LARP1B: variants seen among roughly 807,000 people sequenced by gnomAD.
The protein encoded by LARP1B is La ribonucleoprotein 1B, also known as la-related protein 1B.
A neutral mutation model predicts 114.2 loss-of-function variants in LARP1B; 76 were observed. The ratio of observed to expected loss-of-function variants is 0.67; its 90% CI spans 0.55 to 0.81. LARP1B has a LOEUF of 0.81. Among genes scored for constraint, LARP1B ranks in the 30% least tolerant of loss-of-function variants. LARP1B has a pLI of 0.00. For synonymous variants in LARP1B, 345 were observed against 348.0 expected, an observed-to-expected ratio of 0.99 and a Z score of 0.10; for missense variants, 1,014 against 1,075.8, an observed-to-expected ratio of 0.94 and a Z score of 0.80.
chr4:128,165,693 A>G (rs1005007157), intron 12 of LARP1B, among the ~76,000 whole-genome samples: 4 of 152,124 alleles, frequency 2.6e-5, no homozygotes, highest in Admixed American at 6.6e-5. Context: ...ATCCCAAATC[A>G]GCTACTGATA....
At chr4:128,111,714 CAA>C (rs1784173751) in intron 9 of LARP1B, among the ~76,000 whole-genome samples, 1 of 151,878 alleles carries the variant, frequency 6.6e-6, no homozygotes, top group African/African-American at 2.4e-5. Flanking sequence ...GTTTTTGAGA[CAA>C]AGTCTTGTTC....
intron 9 of LARP1B, among the ~76,000 whole-genome samples, chr4:128,112,420 C>T (rs1196506043): frequency 1.3e-5 from 2 of 150,560 alleles, no homozygotes; most frequent in Non-Finnish European, 2.9e-5. Flanking sequence ...TCAGGACTAG[C>T]CACATTTGAA....
intron 4 of LARP1B, among the ~76,000 whole-genome samples, chr4:128,080,212 A>T (rs1378081595): frequency 6.6e-6 from 1 of 150,658 alleles, no homozygotes; most frequent in Non-Finnish European, 1.5e-5. Flanking sequence ...CGAGCTCCCA[A>T]CCTCAGGTGA....
downstream of LARP1B, among the ~76,000 whole-genome samples, chr4:128,214,461 C>T (rs978936425): frequency 2.0e-5 from 3 of 151,738 alleles, no homozygotes; most frequent in African/African-American, 4.8e-5. Flanking sequence ...GATCTGAGAA[C>T]TGGCAGACTG....
At chr4:128,213,547 G>T (rs1759261794), downstream of LARP1B, among the ~76,000 whole-genome samples, 1 of 152,078 alleles carries the variant, frequency 6.6e-6, no homozygotes, top group Non-Finnish European at 1.5e-5. Context: ...TGAATGTAAA[G>T]CTCAAGCAAA....
intron 15 of LARP1B, among the ~76,000 whole-genome samples, chr4:128,188,038 T>C (rs1399455939): frequency 6.6e-6 from 1 of 152,068 alleles, no homozygotes; most frequent in Non-Finnish European, 1.5e-5. Context: ...CATGAGCCAA[T>C]TAAACCTCTT....
chr4:128,209,919 C>T lies in LARP1B; in HGVS notation c.2611C>T (p.Arg871Cys), dbSNP rs748171542. 5.0e-6 allele frequency: 8 copies of T among 1,613,588 alleles called. No homozygotes were observed. Among genetic ancestry groups the T allele is most frequent in the African/African-American group, 2.7e-5 (2 of 74,862 alleles). The stretch of plus-strand genomic sequence containing the variant: ...CTCTACTTCTGGTGAGGAGAGTAAT[C>T]GTCATAGACTTCCACCTAATTCCTC... ...HSSTSGEESN[R>C]HRLPPNSSTK... is the part of the protein sequence containing the mutation. The change falls in exon 20 of 20, where the codon CGT becomes TGT. Residue 871 changes from arginine to cysteine, a missense_variant. By Grantham distance (180) the Arg-to-Cys change is radical. Coordinates refer to ENST00000326639, the MANE Select transcript of LARP1B (RefSeq NM_018078.4).
intron 5 of LARP1B, among the ~76,000 whole-genome samples, chr4:128,082,684 T>G (rs1047408793): frequency 6.6e-6 from 1 of 152,208 alleles, no homozygotes; most frequent in African/African-American, 2.4e-5. Context: ...TTTTTGAAGA[T>G]TGTAGGATAA....
intron 1 of LARP1B, among the ~76,000 whole-genome samples, chr4:128,066,241 A>G (rs1328014597): frequency 2.8e-5 from 4 of 140,718 alleles, no homozygotes; most frequent in South Asian, 2.3e-4. Flanking sequence ...CAGTGGTGCA[A>G]TCTCTGCTCA....
chr4:128,214,339 T>C (rs1180742541), downstream of LARP1B, among the ~76,000 whole-genome samples: 5 of 148,808 alleles, frequency 3.4e-5, no homozygotes, highest in South Asian at 4.4e-4. Context: ...TAGGCTCCAC[T>C]TCTGGGGGCA....
chr4:128,209,923 A>G lies in LARP1B; in HGVS notation c.2615A>G (p.His872Arg). 1 of 1,613,974 alleles carries G rather than the reference A, an allele frequency of 6.2e-7. No individual in the cohort carries two copies. Among genetic ancestry groups the G allele is most frequent in the South Asian group, 1.1e-5 (1 of 91,078 alleles). The change falls in exon 20 of 20, where the codon CAT becomes CGT. Residue 872 changes from histidine to arginine, a missense_variant. Physicochemically the swap from His to Arg is conservative, Grantham distance 29 (BLOSUM62 0). Coordinates refer to ENST00000326639, the MANE Select transcript of LARP1B (RefSeq NM_018078.4). ...SSTSGEESNR[H>R]RLPPNSSTKP... is the part of the protein sequence containing the mutation. ...ACTTCTGGTGAGGAGAGTAATCGTC[A>G]TAGACTTCCACCTAATTCCTCTACA...
intron 1 of LARP1B, among the ~76,000 whole-genome samples, chr4:128,070,328 AAAG>A (rs1419162042): frequency 6.6e-6 from 1 of 151,966 alleles, no homozygotes; most frequent in Non-Finnish European, 1.5e-5. Flanking sequence ...TCAAAAAAAA[AAAG>A]AAGATAATTT....
At chr4:128,124,051 A>T (rs1162162693) in intron 11 of LARP1B, among the ~76,000 whole-genome samples, 1 of 152,116 alleles carries the variant, frequency 6.6e-6, no homozygotes, top group Non-Finnish European at 1.5e-5. Context: ...TTAGACTTGT[A>T]CTTTTCCTGT....
chr4:128,116,099 G>T (rs190295913), intron 10 of LARP1B, among the ~76,000 whole-genome samples: 10 of 152,322 alleles, frequency 6.6e-5, no homozygotes, highest in Non-Finnish European at 2.9e-5. Flanking sequence ...ATTTTTGGTG[G>T]AGGGTACATA....
intron 10 of LARP1B, among the ~76,000 whole-genome samples, chr4:128,121,326 T>C (rs781008810): frequency 1.3e-5 from 2 of 151,020 alleles, no homozygotes; most frequent in African/African-American, 2.4e-5. Context: ...ATCTATCTAT[T>C]TATTTTTTGA....
intron 1 of LARP1B, among the ~76,000 whole-genome samples, chr4:128,074,107 A>G (rs183424999): frequency 6.6e-6 from 1 of 150,786 alleles, no homozygotes; most frequent in South Asian, 2.1e-4. Context: ...TGCCCGGCTG[A>G]TTTTGTATTT....
chr4:128,074,886 A>C, intron 2 of LARP1B, 48 bp from the exon 3 acceptor site: 1 of 1,309,772 alleles, frequency 7.6e-7, no homozygotes, highest in Non-Finnish European at 1.1e-6. Context: ...TCCTGCTTAA[A>C]ATTTCTAAAA....
At chr4:128,079,461 C>A (rs1485168682) in intron 4 of LARP1B, among the ~76,000 whole-genome samples, 1 of 152,034 alleles carries the variant, frequency 6.6e-6, no homozygotes, top group Non-Finnish European at 1.5e-5. Flanking sequence ...TCACTTGATA[C>A]AATGAATAAA....
At chr4:128,182,111 CTTT>C (rs35344280) in intron 15 of LARP1B, among the ~76,000 whole-genome samples, 1 of 113,188 alleles carries the variant, frequency 8.8e-6, no homozygotes. Context: ...TGCACCCGGC[CTTT>C]TTTTTTTTTT....
Sources: gnomAD v4.1 joint callset for allele counts (sites outside exome capture counted in the v4.1 genomes callset) on GRCh38, gnomAD v4.1.1 for gene constraint, MANE v1.5 for transcripts, NCBI Gene and HGNC (gene_info 2026-07-23, HGNC 2026-07-21) for gene names.